The following ESRRG variants were observed in gnomAD, a reference collection of about 807,000 sequenced individuals.
The protein encoded by ESRRG is estrogen-related receptor gamma.
Under a neutral mutation model 44.0 loss-of-function variants are expected in ESRRG, and 13 were observed. The observed-to-expected ratio is 0.30, with a 90% CI of 0.19 to 0.47. ESRRG has a LOEUF of 0.47. Among genes scored for constraint, ESRRG ranks in the 20% least tolerant of loss-of-function variants. ESRRG has a pLI of 1.00. For missense variants in ESRRG, 395 were observed against 580.6 expected, an observed-to-expected ratio of 0.68 and a Z score of 3.29; for synonymous variants, 215 against 214.6, an observed-to-expected ratio of 1.00 and a Z score of -0.02.
At chr1:216,701,237 T>C (rs553159821) in intron 1 of ESRRG, among the ~76,000 whole-genome samples, 1 of 152,308 alleles carries the variant, frequency 6.6e-6, no homozygotes, top group Admixed American at 6.5e-5. Context: ...AGCAGTAGCA[T>C]AAATTTCTCT....
At chr1:216,563,804 T>C (rs2059207550) in intron 5 of ESRRG, among the ~76,000 whole-genome samples, 1 of 152,184 alleles carries the variant, frequency 6.6e-6, no homozygotes, top group African/African-American at 2.4e-5. Flanking sequence ...AGGATATAAC[T>C]AGCCACTATG....
intron 1 of ESRRG, among the ~76,000 whole-genome samples, chr1:217,083,445 C>T (rs940985550): frequency 5.9e-5 from 9 of 152,200 alleles, no homozygotes; most frequent in Admixed American, 3.3e-4. Flanking sequence ...ATCAATCATG[C>T]ACTAAACTCA....
chr1:216,863,804 C>T (rs1044009354), intron 2 of ESRRG: 3 of 152,114 alleles, frequency 2.0e-5, no homozygotes, highest in African/African-American at 7.2e-5. Context: ...ATAGACAGTA[C>T]CTATTTGCAG....
At chr1:216,528,885 A>C (rs1012266735) in intron 5 of ESRRG, among the ~76,000 whole-genome samples, 1 of 152,020 alleles carries the variant, frequency 6.6e-6, no homozygotes, top group Non-Finnish European at 1.5e-5. Flanking sequence ...GTAAACACTC[A>C]CTTGTCAGAA....
chr1:216,954,229 T>TA (rs934205601), intron 1 of ESRRG, among the ~76,000 whole-genome samples: 4 of 151,958 alleles, frequency 2.6e-5, no homozygotes, highest in African/African-American at 7.2e-5. Flanking sequence ...ACTCCATGGA[T>TA]AAAAAAATGC....
chr1:216,510,727 T>C (rs1455461055), intron 6 of ESRRG, among the ~76,000 whole-genome samples: 3 of 151,836 alleles, frequency 2.0e-5, no homozygotes, highest in Non-Finnish European at 4.4e-5. Flanking sequence ...CTACTAAAAA[T>C]ACAAAAAATT....
intron 1 of ESRRG, among the ~76,000 whole-genome samples, chr1:216,708,317 A>G (rs1345029901): frequency 6.6e-6 from 1 of 152,220 alleles, no homozygotes; most frequent in Non-Finnish European, 1.5e-5. Flanking sequence ...TATATTACCA[A>G]GATGCTACTG....
chr1:217,076,111 A>G (rs4846813), intron 1 of ESRRG, among the ~76,000 whole-genome samples: 79,085 of 151,912 alleles, frequency 0.52, 20,948 homozygotes, highest in East Asian at 0.71. Flanking sequence ...TGTGGAAGGA[A>G]GTATGGCTCA....
chr1:217,008,239 T>C (rs2078041069), intron 1 of ESRRG, among the ~76,000 whole-genome samples: 1 of 152,204 alleles, frequency 6.6e-6, no homozygotes, highest in Non-Finnish European at 1.5e-5. Flanking sequence ...GATGAGTAAC[T>C]TGATTCTTAG....
chr1:216,768,450 TTATCTATCTATCTATCTATC>T (rs79038947), intron 2 of ESRRG, among the ~76,000 whole-genome samples: 1 of 114,686 alleles, frequency 8.7e-6, no homozygotes, highest in Admixed American at 8.1e-5. Flanking sequence ...CTATCTATCA[TTATCTATCTATCTATCTATC>T]TATCTATCTA....
intron 1 of ESRRG, among the ~76,000 whole-genome samples, chr1:216,977,371 CAT>C (rs1257751955): frequency 4.0e-5 from 6 of 149,852 alleles, no homozygotes; most frequent in African/African-American, 7.3e-5. Flanking sequence ...CACACACACA[CAT>C]ATACATATAG....
At chr1:216,727,461 C>T (rs1206262219), upstream of ESRRG, among the ~76,000 whole-genome samples, 1 of 152,084 alleles carries the variant, frequency 6.6e-6, no homozygotes, top group Non-Finnish European at 1.5e-5. Context: ...TAGGTTGCCT[C>T]ACTTATCTGT....
chr1:216,615,276 T>C (rs2061263243), intron 3 of ESRRG, among the ~76,000 whole-genome samples: 1 of 152,218 alleles, frequency 6.6e-6, no homozygotes, highest in South Asian at 2.1e-4. Context: ...GAAATAACTT[T>C]GCTTACAAAG....
intron 6 of ESRRG, 103 bp from the exon 7 acceptor site, chr1:216,507,286 C>T (rs1242075916): frequency 2.6e-6 from 2 of 764,682 alleles, no homozygotes; most frequent in East Asian, 2.9e-5. Flanking sequence ...TTTTGAACTT[C>T]TCTGAGCTTG....
chr1:217,116,774 A>ATGACTCTGC (rs1384382831), intron 1 of ESRRG, among the ~76,000 whole-genome samples: 2 of 152,078 alleles, frequency 1.3e-5, no homozygotes, highest in Admixed American at 1.3e-4. Flanking sequence ...TTCCTCATTG[A>ATGACTCTGC]TGACTCTGCT....
chr1:216,507,430 C>T (rs1309606171), intron 6 of ESRRG, among the ~76,000 whole-genome samples: 2 of 152,084 alleles, frequency 1.3e-5, no homozygotes, highest in African/African-American at 4.8e-5. Context: ...GTGTATTTTT[C>T]TTTCTCAGGC....
chr1:216,977,341 T>TAC (rs1553749984), intron 1 of ESRRG, among the ~76,000 whole-genome samples: 43,162 of 144,010 alleles, frequency 0.3, 7,302 homozygotes, highest in Non-Finnish European at 0.4. Flanking sequence ...GGAGGATACA[T>TAC]ACACACACAC....
At chr1:216,529,325 C>T (rs2048592347) in intron 5 of ESRRG, among the ~76,000 whole-genome samples, 1 of 152,130 alleles carries the variant, frequency 6.6e-6, no homozygotes, top group South Asian at 2.1e-4. Context: ...CCATTTATGG[C>T]TGGCTGAGAG....
intron 1 of ESRRG, among the ~76,000 whole-genome samples, chr1:217,068,945 T>G (rs2090169834): frequency 6.6e-6 from 1 of 152,190 alleles, no homozygotes; most frequent in Non-Finnish European, 1.5e-5. Flanking sequence ...AGAAGTACCT[T>G]AGGGCCTTTG....
Sources: gnomAD v4.1 joint callset for allele counts (sites outside exome capture counted in the v4.1 genomes callset) on GRCh38, gnomAD v4.1.1 for gene constraint, MANE v1.5 for transcripts, NCBI Gene and HGNC (gene_info 2026-07-23, HGNC 2026-07-21) for gene names.